Variants in MTHFS observed in about 807,000 individuals in gnomAD.
MTHFS encodes methenyltetrahydrofolate synthetase, also known as 5-formyltetrahydrofolate cyclo-ligase.
MTHFS carries 7 observed loss-of-function variants against 12.7 expected under a neutral mutation model. That is an observed-to-expected ratio of 0.55 (90% CI 0.31 to 1.03). The LOEUF (loss-of-function observed/expected upper bound fraction) is 1.03, where lower values mean the gene tolerates loss of function less well. MTHFS is among the 50% of genes least tolerant of loss of function. MTHFS has a pLI of 0.05. For synonymous variants in MTHFS, 100 were observed against 97.1 expected (o/e 1.03, Z -0.18); for missense variants, 252 against 258.1 (o/e 0.98, Z 0.16).
intron 1 of MTHFS, chr15:79,896,666 G>C (rs1180316305): frequency 5.6e-6 from 5 of 891,204 alleles, no homozygotes; most frequent in Non-Finnish European, 8.0e-6. Flanking sequence ...TTTCACTACC[G>C]GGCCCTCTCC....
intron 2 of MTHFS, among the ~76,000 whole-genome samples, chr15:79,887,202 G>A (rs370861462): frequency 5.3e-5 from 8 of 152,124 alleles, no homozygotes; most frequent in African/African-American, 1.7e-4. Flanking sequence ...TCCAGCCCGG[G>A]TGACAGAGTG....
At chr15:79,858,360 C>T (rs979891577) in intron 2 of MTHFS, among the ~76,000 whole-genome samples, 2 of 152,198 alleles carry the variant, frequency 1.3e-5, no homozygotes, top group Admixed American at 6.5e-5. Context: ...GGGAGTTAAA[C>T]ACAGGAAAAC....
chr15:79,851,088 T>C (rs955570179), intron 2 of MTHFS, among the ~76,000 whole-genome samples: 1 of 152,320 alleles, frequency 6.6e-6, no homozygotes, highest in Middle Eastern at 3.4e-3. Context: ...GGCACCTTCC[T>C]ATCTGCACAC....
chr15:79,897,045 G>C (rs1341902888), upstream of MTHFS: 9 of 1,466,886 alleles, frequency 6.1e-6, no homozygotes, highest in Non-Finnish European at 8.1e-6. Flanking sequence ...CCTCGGGTTC[G>C]GTCTCCGCCC....
chr15:79,892,730 A>C (rs2034494870), intron 1 of MTHFS, among the ~76,000 whole-genome samples: 1 of 152,046 alleles, frequency 6.6e-6, no homozygotes, highest in South Asian at 2.1e-4. Flanking sequence ...AGGTGGGTGG[A>C]TCATGAGGTC....
intron 2 of MTHFS, among the ~76,000 whole-genome samples, chr15:79,857,615 G>A (rs1159223502): frequency 1.3e-5 from 2 of 152,096 alleles, no homozygotes; most frequent in Non-Finnish European, 2.9e-5. Flanking sequence ...AATAGTACAT[G>A]GATTTTATAT....
chr15:79,884,872 A>C (rs1249892630), intron 2 of MTHFS, among the ~76,000 whole-genome samples: 5 of 152,196 alleles, frequency 3.3e-5, no homozygotes, highest in Non-Finnish European at 7.3e-5. Flanking sequence ...TTCTGTGAGG[A>C]CAATAGGCTA....
chr15:79,857,922 A>C (rs764203942), intron 2 of MTHFS, among the ~76,000 whole-genome samples: 9 of 150,434 alleles, frequency 6.0e-5, no homozygotes, highest in Non-Finnish European at 1.3e-4. Context: ...AGGCTGAGAC[A>C]GGAGAATTGC....
rs1249552642 is a variant in MTHFS, at chr15:79,847,608, C to T, written c.380-2166G>A. Reference sequence around the variant, plus strand: ...CTGAGACAGGAGAATGGTGTGAACCCGGGAGGTGGAGCTATTGCGCCACTG... The same window carrying T: ...CTGAGACAGGAGAATGGTGTGAACCTGGGAGGTGGAGCTATTGCGCCACTG... On this transcript the variant is annotated intron_variant, in intron 2 of 2. Transcript: ENST00000258874. 2.0e-5 allele frequency among the ~76,000 whole-genome samples: 3 copies of T among 148,238 alleles called. No individual in the cohort carries two copies. In the Admixed American group the frequency reaches 2.0e-4, roughly 10 times the overall value.
chr15:79,873,751 G>T (rs182160391), intron 2 of MTHFS, among the ~76,000 whole-genome samples: 1 of 152,302 alleles, frequency 6.6e-6, no homozygotes, highest in African/African-American at 2.4e-5. Context: ...CAGCAGCTCT[G>T]CTGCCAGAAG....
At chr15:79,866,746 T>C (rs1052375365) in intron 2 of MTHFS, among the ~76,000 whole-genome samples, 1 of 151,798 alleles carries the variant, frequency 6.6e-6, no homozygotes, top group East Asian at 1.9e-4. Flanking sequence ...AGGTCAGGAG[T>C]TCCAGACCAG....
intron 2 of MTHFS, among the ~76,000 whole-genome samples, chr15:79,856,142 T>C (rs2033797803): frequency 6.6e-6 from 1 of 152,212 alleles, no homozygotes; most frequent in Non-Finnish European, 1.5e-5. Context: ...CAGCAATGCA[T>C]AAGCGTTCCC....
chr15:79,846,051 T>G (rs2033608962), intron 2 of MTHFS, among the ~76,000 whole-genome samples: 1 of 152,202 alleles, frequency 6.6e-6, no homozygotes, highest in Non-Finnish European at 1.5e-5. Flanking sequence ...CAACTAGTTC[T>G]CTGGCTACAA....
intron 2 of MTHFS, among the ~76,000 whole-genome samples, chr15:79,875,571 T>G: frequency 6.6e-6 from 1 of 152,096 alleles, no homozygotes; most frequent in East Asian, 1.9e-4. Flanking sequence ...TTACAACAAT[T>G]CACTCAAAAT....
intron 2 of MTHFS, among the ~76,000 whole-genome samples, chr15:79,862,862 C>T (rs2033941876): frequency 6.6e-6 from 1 of 152,196 alleles, no homozygotes; most frequent in Admixed American, 6.5e-5. Context: ...GGCCTCATCA[C>T]CTAGCCACTA....
intron 2 of MTHFS, among the ~76,000 whole-genome samples, chr15:79,854,772 C>T (rs745798486): frequency 2.6e-5 from 4 of 152,246 alleles, no homozygotes; most frequent in South Asian, 2.1e-4. Context: ...AAGCCTACTA[C>T]GTTGTCTAGA....
intron 2 of MTHFS, among the ~76,000 whole-genome samples, chr15:79,880,599 C>T (rs930479085): frequency 4.0e-5 from 6 of 151,646 alleles, no homozygotes; most frequent in Non-Finnish European, 5.9e-5. Flanking sequence ...GGGCACTGTG[C>T]TAAGCCCAAA....
chr15:79,885,057 C>A (rs2034359098), intron 2 of MTHFS, among the ~76,000 whole-genome samples: 1 of 152,222 alleles, frequency 6.6e-6, no homozygotes, highest in Non-Finnish European at 1.5e-5. Context: ...TTGATGAAAT[C>A]CATACCCACT....
chr15:79,858,600 A>G (rs1422433580), intron 2 of MTHFS, among the ~76,000 whole-genome samples: 1 of 152,194 alleles, frequency 6.6e-6, no homozygotes, highest in Non-Finnish European at 1.5e-5. Context: ...CAATTAAATA[A>G]CTAAAGGATA....
Sources: allele counts gnomAD v4.1 joint callset (sites outside exome capture counted in the v4.1 genomes callset), GRCh38; gene constraint gnomAD v4.1.1; transcripts MANE v1.5; gene names NCBI Gene and HGNC (gene_info 2026-07-23, HGNC 2026-07-21).